The following CDH4 variants were observed in gnomAD, a reference collection of about 807,000 sequenced individuals.
The protein encoded by CDH4 is cadherin-4.
In CDH4, 33 loss-of-function variants were observed where a neutral mutation model predicts 86.0. The ratio of observed to expected loss-of-function variants is 0.38; its 90% CI spans 0.29 to 0.51. The LOEUF is 0.51. Ranked by LOEUF, CDH4 falls within the 20% of genes least tolerant of loss-of-function variation. The pLI is 0.86. For missense variants in CDH4, 1,114 were observed against 1,307.4 expected (o/e 0.85, Z 2.28); for synonymous variants, 555 against 549.4 (o/e 1.01, Z -0.14).
At chr20:61,495,452 G>A (rs940216730) in intron 2 of CDH4, among the ~76,000 whole-genome samples, 1 of 152,190 alleles carries the variant, frequency 6.6e-6, no homozygotes, top group Non-Finnish European at 1.5e-5. Context: ...CTTGGTGGTA[G>A]CAGCTGTGCT....
chr20:61,486,056 T>C (rs572150394), intron 2 of CDH4, among the ~76,000 whole-genome samples: 1 of 152,298 alleles, frequency 6.6e-6, no homozygotes, highest in East Asian at 1.9e-4. Flanking sequence ...ATGGGGAGCA[T>C]TGGCCCGCAT....
chr20:61,571,988 T>C (rs893344022), intron 2 of CDH4, among the ~76,000 whole-genome samples: 6 of 151,930 alleles, frequency 3.9e-5, no homozygotes, highest in African/African-American at 1.5e-4. Flanking sequence ...AGACAAAAGG[T>C]CAGGAGCTGG....
At chr20:61,361,786 A>C (rs1319772678) in intron 2 of CDH4, among the ~76,000 whole-genome samples, 1 of 152,190 alleles carries the variant, frequency 6.6e-6, no homozygotes, top group African/African-American at 2.4e-5. Flanking sequence ...CATAGGGAGG[A>C]GGTGCCGTGG....
intron 2 of CDH4, among the ~76,000 whole-genome samples, chr20:61,558,341 CA>C (rs1340978442): frequency 6.6e-6 from 1 of 152,096 alleles, no homozygotes; most frequent in East Asian, 1.9e-4. Flanking sequence ...ACCTGCCCCC[CA>C]AGTCCCATTT....
chr20:61,693,377 A>G (rs1043561285), intron 2 of CDH4, among the ~76,000 whole-genome samples: 2 of 152,146 alleles, frequency 1.3e-5, no homozygotes, highest in African/African-American at 4.8e-5. Flanking sequence ...GGGAGTGTGT[A>G]AGGGGAGCGG....
chr20:61,922,147 G>C (rs556044647), intron 9 of CDH4, among the ~76,000 whole-genome samples: 2 of 152,274 alleles, frequency 1.3e-5, no homozygotes, highest in Admixed American at 6.5e-5. Context: ...ATATTGTCTC[G>C]ACAGATACTA....
intron 2 of CDH4, among the ~76,000 whole-genome samples, chr20:61,565,345 CCTCTTGGTGATGGG>C (rs2086284689): frequency 3.8e-5 from 1 of 26,428 alleles, no homozygotes; most frequent in African/African-American, 1.8e-4. Flanking sequence ...TGGTAGTGGT[CCTCTTGGTGATGGG>C]GTGATGGTGG....
rs58417198 is a variant in CDH4, at chr20:61,516,295, C to A, written c.170-227268C>A. 0.058 allele frequency among the ~76,000 whole-genome samples: 8,811 copies of A among 152,290 alleles called. 411 individuals carry two copies. The highest frequency in any genetic ancestry group is 0.13 in the African/African-American group (5,433 of 41,546). ...GAGCAATCCATTCCTGTTCCTCTTC[C>A]TGCTCCTTCCTTACATCCCGTCTAT... On this transcript the variant is annotated intron_variant, in intron 2 of 15. Transcript: ENST00000614565. This position sits in a 1 kb window ranked among gnomAD's most constrained non-coding sequence, Gnocchi z 4.0.
At chr20:61,929,558 T>C (rs1446634212) in intron 12 of CDH4, 51 bp from the exon 13 acceptor site, 1 of 1,439,668 alleles carries the variant, frequency 6.9e-7, no homozygotes, top group East Asian at 2.3e-5. Context: ...ACGTCTTGCT[T>C]GGAAGCGAGG....
At chr20:61,514,893 A>G (rs549968637) in intron 2 of CDH4, among the ~76,000 whole-genome samples, 1 of 152,280 alleles carries the variant, frequency 6.6e-6, no homozygotes, top group South Asian at 2.1e-4. Flanking sequence ...GGCGGCAGCC[A>G]TGGGGTGGGG....
At chr20:61,828,569 C>T (rs185200480) in intron 4 of CDH4, among the ~76,000 whole-genome samples, 82 of 152,322 alleles carry the variant, frequency 5.4e-4, no homozygotes, top group African/African-American at 1.9e-3. Flanking sequence ...CCTTCGGAAT[C>T]GACTTCTTGC....
chr20:61,256,987 G>A (rs574191140), intron 2 of CDH4, among the ~76,000 whole-genome samples: 4 of 152,228 alleles, frequency 2.6e-5, no homozygotes, highest in Non-Finnish European at 5.9e-5. Context: ...ATTTCTCTCT[G>A]TACGCAGAGT....
intron 2 of CDH4, among the ~76,000 whole-genome samples, chr20:61,255,379 C>T (rs906282948): frequency 2.6e-5 from 4 of 152,184 alleles, no homozygotes; most frequent in South Asian, 2.1e-4. Context: ...ACTGACAACA[C>T]GAAAACACAC....
intron 2 of CDH4, among the ~76,000 whole-genome samples, chr20:61,297,736 G>A (rs775670567): frequency 1.8e-4 from 28 of 152,384 alleles, no homozygotes; most frequent in Non-Finnish European, 2.8e-4. Context: ...GCCCTCTCGC[G>A]TGTATGATAG....
rs118124411 is a variant in CDH4, at chr20:61,463,629, C to T, written c.169+208692C>T. 8.9e-3 allele frequency among the ~76,000 whole-genome samples: 1,356 copies of T among 152,236 alleles called. 20 individuals carry two copies. Among genetic ancestry groups the T allele is most frequent in the Non-Finnish European group, 0.015 (1,015 of 68,006 alleles). On this transcript the variant is annotated intron_variant, in intron 2 of 15. Transcript: ENST00000614565. Reference sequence around the variant, plus strand: ...CATAGGTGGGTCCTGGAGGAGAGGGCGGAGGGTCTCATGTTGAATCCCATC... The same window carrying T: ...CATAGGTGGGTCCTGGAGGAGAGGGTGGAGGGTCTCATGTTGAATCCCATC...
chr20:61,763,380 C>T (rs1232224163), intron 3 of CDH4, among the ~76,000 whole-genome samples: 4 of 152,170 alleles, frequency 2.6e-5, no homozygotes, highest in Non-Finnish European at 5.9e-5. Context: ...TGATCAGGTC[C>T]ACCCCATCTC....
intron 2 of CDH4, among the ~76,000 whole-genome samples, chr20:61,521,501 G>A (rs543937553): frequency 3.3e-4 from 50 of 152,158 alleles, no homozygotes; most frequent in Non-Finnish European, 6.0e-4. Flanking sequence ...ACCGTGGGAC[G>A]GCACACCACA....
intron 6 of CDH4, among the ~76,000 whole-genome samples, chr20:61,866,433 C>T (rs1224099921): frequency 6.6e-6 from 1 of 152,150 alleles, no homozygotes; most frequent in East Asian, 1.9e-4. Flanking sequence ...GCCTCCCCCT[C>T]CCCCCGGAGG....
rs376965171 is a variant in CDH4 at position 61,808,462 on chromosome 20, T to A, written c.576+35280T>A. On this transcript the variant is annotated intron_variant, in intron 4 of 15. Coordinates refer to ENST00000614565, the MANE Select transcript of CDH4 (RefSeq NM_001794.5). ...GGAAAGCCTCCGTGTAGACTTCATT[T>A]TGAGTCTGTGGGCACATTAAGGACA... Among the ~76,000 whole-genome samples the A allele has an allele frequency of 3.5e-4, 53 of 152,274 alleles. 1 individual carries two copies. In the South Asian group the frequency reaches 8.5e-3, roughly 24 times the overall value.
Sources: gnomAD v4.1 joint callset for allele counts (sites outside exome capture counted in the v4.1 genomes callset) on GRCh38, gnomAD v4.1.1 for gene constraint, Gnocchi (gnomAD v3.1) non-coding constraint, MANE v1.5 for transcripts, NCBI Gene and HGNC (gene_info 2026-07-23, HGNC 2026-07-21) for gene names.